PIP4K2A: variants seen among roughly 807,000 people sequenced by gnomAD.
The protein encoded by PIP4K2A is phosphatidylinositol 5-phosphate 4-kinase type-2 alpha.
In PIP4K2A, 14 loss-of-function variants were observed where a neutral mutation model predicts 42.9. The ratio of observed to expected loss-of-function variants is 0.33; its 90% confidence interval spans 0.22 to 0.51. PIP4K2A has a LOEUF of 0.51. Ranked by LOEUF, PIP4K2A falls within the 20% of genes least tolerant of loss-of-function variation. The pLI is 0.97. For missense variants in PIP4K2A, 434 were observed against 519.8 expected (o/e 0.83, Z 1.61); for synonymous variants, 192 against 192.2 (o/e 1.00, Z 0.01).
chr10:22,664,132 T>C lies in PIP4K2A; in HGVS notation c.144+50051A>G, dbSNP rs1457972269. 9.2e-5 allele frequency among the ~76,000 whole-genome samples: 5 copies of C among 54,474 alleles called. 1 individual carries two copies. The highest frequency in any genetic ancestry group is 4.3e-4 in the South Asian group (1 of 2,322). The allele number at this position is 54,474 out of a possible 152,430, so 35.7% of individuals were successfully genotyped here. ...ATATATATACATATATATATATACA[T>C]ATATATATACATATATATACACATA... On this transcript the variant is annotated intron_variant, in intron 1 of 9. Transcript: ENST00000376573.
intron 1 of PIP4K2A, among the ~76,000 whole-genome samples, chr10:22,657,444 TTTTTG>T (rs1426101011): frequency 1.3e-5 from 2 of 152,258 alleles, no homozygotes; most frequent in Non-Finnish European, 2.9e-5. Context: ...TTCAATTTTA[TTTTTG>T]ACTGTTGTGG....
intron 3 of PIP4K2A, among the ~76,000 whole-genome samples, chr10:22,600,075 T>A (rs527362838): frequency 6.6e-6 from 1 of 151,926 alleles, no homozygotes; most frequent in African/African-American, 2.4e-5. Flanking sequence ...ACCGCCAATC[T>A]TTTCTCTCTC....
At chr10:22,685,174 A>T (rs1040408310) in intron 1 of PIP4K2A, among the ~76,000 whole-genome samples, 2 of 152,194 alleles carry the variant, frequency 1.3e-5, no homozygotes, top group Non-Finnish European at 2.9e-5. Context: ...AGTACAACTT[A>T]TAATTACACA....
At chr10:22,554,602 G>A (rs1836488686) in intron 6 of PIP4K2A, among the ~76,000 whole-genome samples, 1 of 152,244 alleles carries the variant, frequency 6.6e-6, no homozygotes, top group Admixed American at 6.5e-5. Flanking sequence ...CTTCTCAGCT[G>A]TGGACTCTCC....
chr10:22,609,162 TA>T (rs1387002224), intron 2 of PIP4K2A, among the ~76,000 whole-genome samples: 1 of 152,200 alleles, frequency 6.6e-6, no homozygotes, highest in Non-Finnish European at 1.5e-5. Flanking sequence ...TAATGACGTC[TA>T]AAACAACATT....
intron 1 of PIP4K2A, chr10:22,661,679 T>G (rs1839208803): frequency 6.6e-6 from 1 of 152,208 alleles, no homozygotes; most frequent in Non-Finnish European, 1.5e-5. Context: ...GAGAACACTT[T>G]TAAGTTAAAC....
chr10:22,596,654 G>A (rs754670422), intron 3 of PIP4K2A, among the ~76,000 whole-genome samples: 10 of 152,212 alleles, frequency 6.6e-5, no homozygotes, highest in Non-Finnish European at 1.0e-4. Context: ...ACAGAGCTTG[G>A]GAGTGACCTT....
intron 6 of PIP4K2A, among the ~76,000 whole-genome samples, chr10:22,554,703 T>C (rs1836491519): frequency 6.6e-6 from 1 of 152,246 alleles, no homozygotes; most frequent in South Asian, 2.1e-4. Flanking sequence ...TGGCCAGTTT[T>C]GTGCAGATCA....
intron 1 of PIP4K2A, among the ~76,000 whole-genome samples, chr10:22,679,785 T>A (rs751061198): frequency 3.3e-5 from 5 of 152,226 alleles, no homozygotes; most frequent in Non-Finnish European, 5.9e-5. Context: ...GGAAACCTTA[T>A]GCCAAATGAA....
At chr10:22,621,135 A>G (rs1172254309) in intron 1 of PIP4K2A, among the ~76,000 whole-genome samples, 1 of 152,246 alleles carries the variant, frequency 6.6e-6, no homozygotes, top group Admixed American at 6.5e-5. Flanking sequence ...GATAAGACAG[A>G]TAAGAGCCAC....
In PIP4K2A at chr10:22,714,185, A is replaced by C. The variant is rs149788475; in HGVS notation, c.142T>G (p.Ser48Ala). ...LSVLMWGVNHSINELSHVQIP... is the reference protein window; with the variant it reads ...LSVLMWGVNHAINELSHVQIP... ...GCGCGCCGCAGCTGAGCCCTTACCGAGTGGTTTACCCCCCACATGAGGACG... is the reference window on the plus strand; with the variant it reads ...GCGCGCCGCAGCTGAGCCCTTACCGCGTGGTTTACCCCCCACATGAGGACG... The change falls in exon 1 of 10, where the codon TCG (serine) becomes GCG (alanine). Residue 48 changes from serine to alanine, a missense_variant and splice_region_variant. Transcript: ENST00000376573. The C allele has an allele frequency of 7.5e-6, 12 of 1,606,344 alleles. No individual in the cohort carries two copies. In the African/African-American group the frequency reaches 1.3e-4, roughly 18 times the overall value.
At chr10:22,590,680 A>G (rs1420849909) in intron 4 of PIP4K2A, among the ~76,000 whole-genome samples, 2 of 152,134 alleles carry the variant, frequency 1.3e-5, no homozygotes, top group African/African-American at 4.8e-5. Flanking sequence ...CCTGGGCAAC[A>G]TAGCAAAACT....
intron 7 of PIP4K2A, among the ~76,000 whole-genome samples, chr10:22,550,017 G>GTGTT (rs1836364323): frequency 6.6e-6 from 1 of 152,088 alleles, no homozygotes; most frequent in Non-Finnish European, 1.5e-5. Flanking sequence ...GTTTAGAACA[G>GTGTT]TGTTTAAAAG....
chr10:22,634,914 T>C (rs1393951434), intron 1 of PIP4K2A, among the ~76,000 whole-genome samples: 1 of 152,182 alleles, frequency 6.6e-6, no homozygotes, highest in African/African-American at 2.4e-5. Flanking sequence ...TTCCAATTTC[T>C]ATAAAACCTG....
intron 7 of PIP4K2A, among the ~76,000 whole-genome samples, chr10:22,546,683 T>A (rs1353885731): frequency 6.6e-6 from 1 of 152,154 alleles, no homozygotes; most frequent in Admixed American, 6.5e-5. Context: ...AGTGCTGGGA[T>A]TACAGGCATG....
intron 1 of PIP4K2A, among the ~76,000 whole-genome samples, chr10:22,631,939 T>C (rs996854857): frequency 2.6e-5 from 4 of 152,184 alleles, no homozygotes; most frequent in Non-Finnish European, 5.9e-5. Context: ...GCTTCAGTGA[T>C]GAGATCAGTG....
At chr10:22,564,313 G>C (rs544494800) in intron 6 of PIP4K2A, among the ~76,000 whole-genome samples, 4 of 152,330 alleles carry the variant, frequency 2.6e-5, no homozygotes. Context: ...CTTGTTGGCA[G>C]TGTTTACTGT....
At chr10:22,714,047 C>A in intron 1 of PIP4K2A, 136 bp downstream of exon 1, 1 of 912,582 alleles carries the variant, frequency 1.1e-6, no homozygotes. Context: ...CTGGGGGCTT[C>A]GAGGCGGGCG....
In PIP4K2A at chr10:22,545,038, C is replaced by A. The variant is rs74123079; in HGVS notation, c.793-2991G>T. 2.3e-3 allele frequency among the ~76,000 whole-genome samples: 349 copies of A among 152,332 alleles called. 3 individuals are homozygous for A. Among genetic ancestry groups the A allele is most frequent in the African/African-American group, 7.5e-3 (313 of 41,580 alleles). On this transcript the variant is annotated intron_variant, in intron 7 of 9. Transcript: ENST00000376573. ...CCAAGCAAGGCAGCCCCAAACGGGG[C>A]TCTAAGGTTTTGGCTTTCACTGCAT... is the stretch of plus-strand genomic sequence containing the variant.
Sources: allele counts gnomAD v4.1 joint callset (sites outside exome capture counted in the v4.1 genomes callset), GRCh38; gene constraint gnomAD v4.1.1; transcripts MANE v1.5; gene names NCBI Gene and HGNC (gene_info 2026-07-23, HGNC 2026-07-21).